Variants in ITGB5 observed in about 807,000 individuals in gnomAD.
ITGB5 encodes integrin subunit beta 5, also known as integrin beta-5.
Under a neutral mutation model 84.8 loss-of-function variants are expected in ITGB5, and 38 were observed. That is an observed-to-expected ratio of 0.45 (90% CI 0.35 to 0.59). The LOEUF is 0.59. Ranked by LOEUF, ITGB5 falls within the 20% of genes least tolerant of loss-of-function variation. ITGB5 has a pLI of 0.01. For synonymous variants in ITGB5, 393 were observed against 414.4 expected (o/e 0.95, Z 0.63); for missense variants, 905 against 1,034.5 (o/e 0.87, Z 1.72).
chr3:124,852,995 TTTTTTAA>T (rs2107609849), intron 3 of ITGB5, among the ~76,000 whole-genome samples: 1 of 152,292 alleles, frequency 6.6e-6, no homozygotes, highest in South Asian at 2.1e-4. Context: ...CTCAAAAACT[TTTTTTAA>T]TTTTTATTTA....
chr3:124,822,172 G>A (rs1433430441), intron 5 of ITGB5, among the ~76,000 whole-genome samples: 1 of 152,156 alleles, frequency 6.6e-6, no homozygotes, highest in Non-Finnish European at 1.5e-5. Context: ...TGGAAAGGAA[G>A]GACTCTACAT....
At chr3:124,833,301 G>C (rs544887182) in intron 5 of ITGB5, among the ~76,000 whole-genome samples, 1 of 152,304 alleles carries the variant, frequency 6.6e-6, no homozygotes, top group East Asian at 1.9e-4. Flanking sequence ...GAAGAAGGTT[G>C]AACCATATGA....
chr3:124,897,490 T>C (rs1347002795), intron 1 of ITGB5, among the ~76,000 whole-genome samples: 1 of 152,202 alleles, frequency 6.6e-6, no homozygotes, highest in Non-Finnish European at 1.5e-5. Flanking sequence ...AATTAATCTC[T>C]GACTTATTAC....
At chr3:124,872,562 C>A (rs796915716) in intron 2 of ITGB5, among the ~76,000 whole-genome samples, 3 of 152,300 alleles carry the variant, frequency 2.0e-5, no homozygotes, top group African/African-American at 7.2e-5. Context: ...GTCCTCCTGA[C>A]AGGGACCACG....
chr3:124,848,394 G>A lies in ITGB5; in HGVS notation c.526C>T (p.Arg176Trp), dbSNP rs763152452. The change falls in exon 4 of 15, where the codon CGG becomes TGG. Residue 176 changes from arginine to tryptophan, a missense_variant. Physicochemically the swap from Arg to Trp is moderately radical, Grantham distance 101. This residue lies in a region of ITGB5 where 656 missense variants were observed against 734.7 expected (regional missense o/e 0.89). Coordinates refer to ENST00000296181, the MANE Select transcript of ITGB5 (RefSeq NM_002213.5). ...TCAACAAAAGACCCAAATCCCAACC[G>A]GAAGTTGCTGGTGAGCTTCCTCATC... is the stretch of plus-strand genomic sequence containing the variant. ...EEMRKLTSNF[R>W]LGFGSFVDKD... 1.7e-5 allele frequency: 27 copies of A among 1,614,024 alleles called. No homozygotes were observed. The highest frequency in any genetic ancestry group is 3.3e-5 in the Admixed American group (2 of 59,992).
In ITGB5 at chr3:124,809,047, C is replaced by T; in HGVS notation, c.1238G>A (p.Cys413Tyr). 6.2e-7 allele frequency: 1 copy of T among 1,614,178 alleles called. No individual in the cohort carries two copies. Among genetic ancestry groups the T allele is most frequent in the Non-Finnish European group, 8.5e-7 (1 of 1,180,014 alleles). The change falls in exon 9 of 15, where the codon TGT becomes TAT. Residue 413 changes from cysteine to tyrosine, a missense_variant. By Grantham distance (194) the Cys-to-Tyr change is radical. Coordinates refer to ENST00000296181, the MANE Select transcript of ITGB5 (RefSeq NM_002213.5). ...DGVSYPGQRKCEGLKIGDTAS... is the reference protein window; with the variant it reads ...DGVSYPGQRKYEGLKIGDTAS... ...CGTGTCCCCAATCTTCAGACCCTCA[C>T]ACTTCCTCTGACCAGGATAGGATAC...
rs143238259 is a variant in ITGB5 at position 124,860,113 on chromosome 3, G to T, written c.157-667C>A. 3.4e-3 allele frequency among the ~76,000 whole-genome samples: 520 copies of T among 152,288 alleles called. 6 individuals carry two copies. Among genetic ancestry groups the T allele is most frequent in the African/African-American group, 0.011 (458 of 41,552 alleles). The stretch of plus-strand genomic sequence containing the variant: ...AGTACAGGTCATATCCACTGACCCA[G>T]TGCTCTACTCCAAGAAACTTATTAC... On this transcript the variant is annotated intron_variant, in intron 2 of 14. Transcript: ENST00000296181.
intron 1 of ITGB5, among the ~76,000 whole-genome samples, 153 bp downstream of exon 1, chr3:124,886,778 G>A (rs1934833016): frequency 1.3e-5 from 2 of 151,410 alleles, no homozygotes; most frequent in Non-Finnish European, 3.0e-5. Flanking sequence ...AGCGCCCCGC[G>A]GGGCTGTCCC....
chr3:124,765,383 G>A (rs2063751647), intron 13 of ITGB5, among the ~76,000 whole-genome samples: 1 of 152,196 alleles, frequency 6.6e-6, no homozygotes, highest in African/African-American at 2.4e-5. Flanking sequence ...TGAACCCAGT[G>A]CTCCGTTGTC....
At chr3:124,899,678 A>C (rs1210139396) in intron 1 of ITGB5, among the ~76,000 whole-genome samples, 3 of 151,762 alleles carry the variant, frequency 2.0e-5, no homozygotes, top group African/African-American at 7.3e-5. Flanking sequence ...GCATAGTGAG[A>C]CTTCATCGCT....
intron 10 of ITGB5, among the ~76,000 whole-genome samples, chr3:124,783,246 G>A (rs1466550123): frequency 7.4e-6 from 1 of 135,422 alleles, no homozygotes; most frequent in African/African-American, 2.8e-5. Flanking sequence ...GGCCAAGATT[G>A]CACCACTGCA....
At chr3:124,786,434 A>T (rs937775788) in intron 10 of ITGB5, among the ~76,000 whole-genome samples, 4 of 152,010 alleles carry the variant, frequency 2.6e-5, no homozygotes, top group African/African-American at 9.7e-5. Context: ...TCCTTGTGTT[A>T]CTATAGTTTT....
intron 2 of ITGB5, among the ~76,000 whole-genome samples, chr3:124,861,563 GA>G (rs2065303172): frequency 1.9e-5 from 2 of 103,302 alleles, no homozygotes; most frequent in Non-Finnish European, 3.8e-5. Context: ...TCTGGCCTTA[GA>G]TTTTTTTTTT....
Position 124,819,636 on chromosome 3 carries a change from T to G in ITGB5, c.1038+103A>C, listed in dbSNP as rs565908705. 6 of 838,246 alleles carry G rather than the reference T, an allele frequency of 7.2e-6. No individual in the cohort carries two copies. In the South Asian group the frequency reaches 8.4e-5, roughly 12 times the overall value. 51.9% of individuals were successfully genotyped at this position (838,246 alleles called of 1,614,324 possible). ...TCCATTAGATCAAGACTGGGCTATA[T>G]TCCACCCCTCCTTTGAATTTCCCCC... is the stretch of plus-strand genomic sequence containing the variant. On this transcript the variant is annotated intron_variant, in intron 7 of 14. Coordinates refer to ENST00000296181, the MANE Select transcript of ITGB5 (RefSeq NM_002213.5).
At chr3:124,798,044 C>A (rs954751455) in intron 9 of ITGB5, among the ~76,000 whole-genome samples, 9 of 108,762 alleles carry the variant, frequency 8.3e-5, no homozygotes, top group Non-Finnish European at 1.2e-4. Context: ...ATTCTTTCGG[C>A]TAGAATAAAG....
chr3:124,786,133 A>G (rs1190930236), intron 10 of ITGB5, among the ~76,000 whole-genome samples: 1 of 152,210 alleles, frequency 6.6e-6, no homozygotes, highest in Admixed American at 6.5e-5. Flanking sequence ...AAGGCATGAG[A>G]TGCAAAAAAA....
At position 124,831,394 on chromosome 3, in the gene ITGB5, G is replaced by A. The variant is rs563437557; in HGVS notation, c.781-9920C>T. 3.3e-5 allele frequency among the ~76,000 whole-genome samples: 5 copies of A among 152,234 alleles called. No homozygotes were observed. The South Asian group carries it at 6.2e-4, about 19-fold the overall frequency. On this transcript the variant is annotated intron_variant, in intron 5 of 14. Transcript: ENST00000296181. ...CTTCCTACTGGCTCATGTTAAGCCTGGGGATCCCCAGGTCCATTTCATAGT... is the reference window on the plus strand; with the variant it reads ...CTTCCTACTGGCTCATGTTAAGCCTAGGGATCCCCAGGTCCATTTCATAGT...
chr3:124,900,648 C>T (rs1935196974), intron 1 of ITGB5, among the ~76,000 whole-genome samples: 1 of 152,286 alleles, frequency 6.6e-6, no homozygotes, highest in Middle Eastern at 3.4e-3. Context: ...AACCTAATCT[C>T]CAACCTTGCT....
chr3:124,861,495 T>TACACACAC (rs1553766077), intron 2 of ITGB5, among the ~76,000 whole-genome samples: 8,311 of 111,742 alleles, frequency 0.074, 524 homozygotes, highest in East Asian at 0.34. Flanking sequence ...TATATATATA[T>TACACACAC]ACACACACAC....
Sources: allele counts gnomAD v4.1 joint callset (sites outside exome capture counted in the v4.1 genomes callset), GRCh38; gene constraint gnomAD v4.1.1; regional missense constraint gnomAD v4.1.1; transcripts MANE v1.5; gene names NCBI Gene and HGNC (gene_info 2026-07-23, HGNC 2026-07-21).